PTPN9: variants seen among roughly 807,000 people sequenced by gnomAD.
The protein encoded by PTPN9 is protein tyrosine phosphatase non-receptor type 9, also known as tyrosine-protein phosphatase non-receptor type 9.
PTPN9 carries 26 observed loss-of-function variants against 69.8 expected under a neutral mutation model. That is an observed-to-expected ratio of 0.37 (90% CI 0.27 to 0.52). The LOEUF (loss-of-function observed/expected upper bound fraction) is 0.52. Ranked by LOEUF, PTPN9 falls within the 20% of genes least tolerant of loss-of-function variation. PTPN9 has a pLI of 0.91. For synonymous variants in PTPN9, 274 were observed against 272.5 expected (o/e 1.01, Z -0.05); for missense variants, 549 against 740.3 (o/e 0.74, Z 3.00).
intron 11 of PTPN9, among the ~76,000 whole-genome samples, 177 bp from the exon 12 acceptor site, chr15:75,470,176 A>ATCGT: frequency 6.6e-6 from 1 of 151,710 alleles, no homozygotes; most frequent in African/African-American, 2.4e-5. Context: ...GGGTTGGTTA[A>ATCGT]TTGGAAAAGG....
At chr15:75,483,941 C>T (rs944992046) in intron 8 of PTPN9, among the ~76,000 whole-genome samples, 1 of 152,168 alleles carries the variant, frequency 6.6e-6, no homozygotes, top group African/African-American at 2.4e-5. Context: ...AAGCAGCTGA[C>T]CAATCGTTAC....
At chr15:75,549,695 G>T (rs546325895) in intron 1 of PTPN9, among the ~76,000 whole-genome samples, 1 of 152,248 alleles carries the variant, frequency 6.6e-6, no homozygotes, top group African/African-American at 2.4e-5. Flanking sequence ...TAAAGCTAAG[G>T]ATAACAAGAA....
At chr15:75,515,740 G>A (rs1437735672) in intron 5 of PTPN9, among the ~76,000 whole-genome samples, 1 of 151,106 alleles carries the variant, frequency 6.6e-6, no homozygotes, top group East Asian at 2.0e-4. Flanking sequence ...TCTACCAAAA[G>A]TACAAAAATT....
At position 75,505,897 on chromosome 15, in the gene PTPN9, T is replaced by A. The variant is rs1326871706; in HGVS notation, c.746A>T (p.Gln249Leu). 1.2e-6 allele frequency: 2 copies of A among 1,614,042 alleles called. No homozygotes were observed. The highest frequency in any genetic ancestry group is 3.3e-5 in the Admixed American group (2 of 59,988). The change falls in exon 7 of 13, where the codon CAG (glutamine) becomes CTG (leucine). Residue 249 changes from glutamine (Q) to leucine (L), a missense_variant. This residue lies in a region of PTPN9 where 457 missense variants were observed against 661.9 expected (regional missense o/e 0.69). Transcript: ENST00000618819. ...VKIDLATWNF[Q>L]FLPQVNGHPD... ...GTGGCCGTTCACCTGGGGTAGGAAC[T>A]GGAAATTCCAAGTGGCGAGATCAAT...
chr15:75,490,876 C>T (rs1358724381), intron 7 of PTPN9, among the ~76,000 whole-genome samples: 2 of 152,064 alleles, frequency 1.3e-5, no homozygotes, highest in Admixed American at 6.5e-5. Flanking sequence ...CTGCCCGCCT[C>T]GGCCTCCCAA....
At position 75,471,226 on chromosome 15, in the gene PTPN9, A is replaced by C. The variant is rs192022666; in HGVS notation, c.1209-396T>G. On this transcript the variant is annotated intron_variant, in intron 10 of 12. Coordinates refer to ENST00000618819, the MANE Select transcript of PTPN9 (RefSeq NM_002833.4). ...TTAGGCAGGAGAATCACCTAAGACC[A>C]GGAGTTTGAGACCAGCCTGGGTAAC... Among the ~76,000 whole-genome samples, 3 of 152,252 alleles carry C rather than the reference A, an allele frequency of 2.0e-5. No individual in the cohort carries two copies. The East Asian group carries it at 5.8e-4, about 29-fold the overall frequency.
chr15:75,477,490 G>C (rs896466965), intron 9 of PTPN9, among the ~76,000 whole-genome samples: 2 of 152,154 alleles, frequency 1.3e-5, no homozygotes, highest in African/African-American at 4.8e-5. Context: ...AGCTACTTGG[G>C]AGGCTGAGGC....
chr15:75,497,572 G>GGGT (rs2074749644), intron 7 of PTPN9, among the ~76,000 whole-genome samples: 2 of 151,834 alleles, frequency 1.3e-5, no homozygotes, highest in Non-Finnish European at 2.9e-5. Context: ...AGGCCAAGGT[G>GGGT]GGTGGATCAC....
chr15:75,485,731 A>G (rs1369621696), intron 8 of PTPN9, among the ~76,000 whole-genome samples: 4 of 151,726 alleles, frequency 2.6e-5, no homozygotes, highest in Non-Finnish European at 5.9e-5. Flanking sequence ...CAGCTTTAGC[A>G]CTGGTCTCTG....
At chr15:75,507,714 C>A (rs1304152106) in intron 6 of PTPN9, among the ~76,000 whole-genome samples, 2 of 151,868 alleles carry the variant, frequency 1.3e-5, no homozygotes, top group African/African-American at 4.8e-5. Flanking sequence ...TTGCAGTGAG[C>A]CGAGATCGCT....
At chr15:75,536,622 A>G (rs2074983214) in intron 1 of PTPN9, among the ~76,000 whole-genome samples, 1 of 152,188 alleles carries the variant, frequency 6.6e-6, no homozygotes, top group Non-Finnish European at 1.5e-5. Flanking sequence ...AGTGTGTCCA[A>G]TGTGTATGAG....
chr15:75,494,196 GAACT>G (rs958364649), intron 7 of PTPN9, among the ~76,000 whole-genome samples: 17 of 149,748 alleles, frequency 1.1e-4, no homozygotes, highest in African/African-American at 2.0e-4. Context: ...GCGCGAGCGA[GAACT>G]AACATAATAC....
chr15:75,528,007 T>C (rs1051389967), intron 1 of PTPN9, among the ~76,000 whole-genome samples: 1 of 152,108 alleles, frequency 6.6e-6, no homozygotes, highest in Non-Finnish European at 1.5e-5. Context: ...AATCAGAAAA[T>C]GGTTTTGGCT....
rs759026577 is a variant in PTPN9 at position 75,486,910 on chromosome 15, G to A, written c.1062+3298C>T. Among the ~76,000 whole-genome samples the A allele has an allele frequency of 4.0e-5, 6 of 148,272 alleles. No individual in the cohort carries two copies. In the East Asian group the frequency reaches 8.4e-4, roughly 21 times the overall value. ...TGCCATTCTCCTGCCTCGGCCTCCC[G>A]AGTAGCTGGGACTACAGGCGCCCAC... On this transcript the variant is annotated intron_variant, in intron 8 of 12. Transcript: ENST00000618819.
In PTPN9 at chr15:75,505,811, C is replaced by T. The variant is rs769718806; in HGVS notation, c.832G>A (p.Val278Ile). ...ATAGCATGGGGACCTGGAACATGTA[C>T]TGAGTCCCAGTCTAAGGCAGGAGGG... ...SLPPALDWDS[V>I]HVPGPHAMTI... The change falls in exon 7 of 13, where the codon GTA (valine) becomes ATA (isoleucine). Residue 278 changes from valine (V) to isoleucine (I), a missense_variant. Val to Ile is a conservative substitution (Grantham distance 29). Transcript: ENST00000618819. 4.3e-6 allele frequency: 7 copies of T among 1,614,168 alleles called. No individual in the cohort carries two copies. Among genetic ancestry groups the T allele is most frequent in the South Asian group, 1.1e-5 (1 of 91,074 alleles).
At position 75,507,382 on chromosome 15, in the gene PTPN9, G is replaced by A. The variant is rs190415960; in HGVS notation, c.640-1379C>T. 4.0e-3 allele frequency among the ~76,000 whole-genome samples: 585 copies of A among 148,020 alleles called. 5 individuals are homozygous for A. Among genetic ancestry groups the A allele is most frequent in the African/African-American group, 0.013 (514 of 40,162 alleles). On this transcript the variant is annotated intron_variant, in intron 6 of 12. Transcript: ENST00000618819. ...AATCACTTGAACCCGGGGGACGGAG[G>A]TTGCAGTGAGCCAAGATCATGCCAT... is the stretch of plus-strand genomic sequence containing the variant.
intron 1 of PTPN9, among the ~76,000 whole-genome samples, chr15:75,565,250 T>C (rs1034106450): frequency 2.5e-4 from 38 of 152,058 alleles, no homozygotes; most frequent in African/African-American, 8.0e-4. Flanking sequence ...TATAAAACAA[T>C]TGGTTTTAGA....
At chr15:75,504,530 G>A (rs1274373857) in intron 7 of PTPN9, among the ~76,000 whole-genome samples, 52 of 137,488 alleles carry the variant, frequency 3.8e-4, no homozygotes, top group African/African-American at 9.6e-4. Flanking sequence ...TCAGCCCCCC[G>A]CCCAGCCAGC....
At position 75,509,032 on chromosome 15, in the gene PTPN9, G is replaced by A. The variant is rs1370151120; in HGVS notation, c.529-5C>T. 5.0e-6 allele frequency: 8 copies of A among 1,611,240 alleles called. 1 individual carries two copies. In the Admixed American group the frequency reaches 1.3e-4, roughly 27 times the overall value. ...CAAACGAGCTGGAAATGCTCCCTGT[G>A]GAGAAAACACATGAGGATTTAAGTG... On this transcript the variant is annotated splice_polypyrimidine_tract_variant and splice_region_variant and intron_variant, in intron 5 of 12. Coordinates refer to ENST00000618819, the MANE Select transcript of PTPN9 (RefSeq NM_002833.4).
Sources: gnomAD v4.1 joint callset for allele counts (sites outside exome capture counted in the v4.1 genomes callset) on GRCh38, gnomAD v4.1.1 for gene constraint, gnomAD v4.1.1 regional missense constraint, MANE v1.5 for transcripts, NCBI Gene and HGNC (gene_info 2026-07-23, HGNC 2026-07-21) for gene names.